PIP5K1B: variants seen among roughly 807,000 people sequenced by gnomAD.
The protein encoded by PIP5K1B is phosphatidylinositol-4-phosphate 5-kinase type 1 beta, also known as phosphatidylinositol 4-phosphate 5-kinase type-1 beta.
Under a neutral mutation model 67.0 loss-of-function variants are expected in PIP5K1B, and 42 were observed. That is an observed-to-expected ratio of 0.63 (90% CI 0.49 to 0.81). PIP5K1B has a LOEUF of 0.81. Among genes scored for constraint, PIP5K1B ranks in the 30% least tolerant of loss-of-function variants. The probability of loss-of-function intolerance (pLI) is 0.00; values close to 1 mark genes in which losing one functional copy is unlikely to be tolerated. For synonymous variants in PIP5K1B, 214 were observed against 231.4 expected (o/e 0.92, Z 0.68); for missense variants, 459 against 646.3 (o/e 0.71, Z 3.14).
rs146005407 is a variant in PIP5K1B, at chr9:69,008,613, G to A, written c.*164G>A. 5 of 695,090 alleles carry A rather than the reference G, an allele frequency of 7.2e-6. No homozygotes were observed. The highest frequency in any genetic ancestry group is 1.3e-5 in the Non-Finnish European group (5 of 374,610). The allele number at this position is 695,090 out of a possible 1,614,324, so 43.1% of individuals were successfully genotyped here. A position where few individuals can be genotyped will look rare whatever the true frequency, so the allele number is the denominator to read the frequency against. Reference sequence around the variant, plus strand: ...GTTTTCAAGATGTCAACTTCAGGCTGATCAGCAGATGGGATGTGAAAAATA... The same window carrying A: ...GTTTTCAAGATGTCAACTTCAGGCTAATCAGCAGATGGGATGTGAAAAATA... On this transcript the variant is annotated 3_prime_UTR_variant, in exon 16 of 16. Transcript: ENST00000265382.
intron 1 of PIP5K1B, among the ~76,000 whole-genome samples, chr9:68,732,957 C>T (rs543797611): frequency 5.2e-4 from 79 of 151,802 alleles, no homozygotes; most frequent in African/African-American, 1.8e-3. Context: ...ATGATGATGA[C>T]GACGACGATG....
chr9:68,918,608 G>T (rs1826217236), intron 9 of PIP5K1B, among the ~76,000 whole-genome samples: 1 of 152,176 alleles, frequency 6.6e-6, no homozygotes, highest in African/African-American at 2.4e-5. Flanking sequence ...TATTGAAATG[G>T]CAGACTGCAT....
At chr9:68,805,633 G>C (rs1832832829) in intron 2 of PIP5K1B, among the ~76,000 whole-genome samples, 1 of 152,190 alleles carries the variant, frequency 6.6e-6, no homozygotes, top group African/African-American at 2.4e-5. Context: ...GGGCAGTGTT[G>C]TGACACCAGA....
At chr9:68,923,467 C>T (rs2132544252) in intron 12 of PIP5K1B, 81 bp downstream of exon 12, 3 of 704,920 alleles carry the variant, frequency 4.3e-6, no homozygotes, top group Non-Finnish European at 7.3e-6. Flanking sequence ...ATTGGAAGAA[C>T]TAACACATTT....
chr9:68,897,881 G>A (rs564008406), intron 8 of PIP5K1B, among the ~76,000 whole-genome samples: 3 of 152,174 alleles, frequency 2.0e-5, no homozygotes, highest in African/African-American at 7.2e-5. Flanking sequence ...AGTGCTGGCC[G>A]GAAGGGCCAG....
intron 2 of PIP5K1B, among the ~76,000 whole-genome samples, chr9:68,761,790 T>C (rs973472247): frequency 1.3e-5 from 2 of 152,112 alleles, no homozygotes; most frequent in African/African-American, 4.8e-5. Context: ...TAATCCAGGA[T>C]AATCTTATTT....
At chr9:68,775,219 C>T (rs779651631) in intron 2 of PIP5K1B, among the ~76,000 whole-genome samples, 1 of 152,152 alleles carries the variant, frequency 6.6e-6, no homozygotes, top group Non-Finnish European at 1.5e-5. Flanking sequence ...ACACTGTCAC[C>T]GTAACTTCTG....
In PIP5K1B at chr9:68,894,412, A is replaced by G. The variant is rs975906544; in HGVS notation, c.545A>G (p.Asn182Ser). ...TATTGTATGCAATCAGGAGGCATTA[A>G]TATCAGGATTGTGGTGATGAACAAC... ...GLYCMQSGGI[N>S]IRIVVMNNVL... Residue 182 changes from asparagine (N) to serine (S), a missense_variant, in exon 8 of 16, where the codon AAT becomes AGT. This residue lies in a region of PIP5K1B where 290 missense variants were observed against 474.4 expected (regional missense o/e 0.61). Coordinates refer to ENST00000265382, the MANE Select transcript of PIP5K1B (RefSeq NM_003558.4). 3.1e-6 allele frequency: 5 copies of G among 1,613,836 alleles called. No individual in the cohort carries two copies. The highest frequency in any genetic ancestry group is 1.6e-4 in the Middle Eastern group (1 of 6,084).
At chr9:68,939,113 G>A (rs139813456) in intron 13 of PIP5K1B, among the ~76,000 whole-genome samples, 4 of 152,338 alleles carry the variant, frequency 2.6e-5, no homozygotes, top group Non-Finnish European at 5.9e-5. Context: ...TTACAAGAGT[G>A]TGGGTCATTA....
intron 2 of PIP5K1B, among the ~76,000 whole-genome samples, chr9:68,817,336 T>TA (rs1347446432): frequency 6.6e-6 from 1 of 152,218 alleles, no homozygotes; most frequent in African/African-American, 2.4e-5. Context: ...TTCAAATAGT[T>TA]AACATGCTTA....
At chr9:68,930,158 T>G (rs1826919452) in intron 12 of PIP5K1B, among the ~76,000 whole-genome samples, 1 of 152,186 alleles carries the variant, frequency 6.6e-6, no homozygotes, top group African/African-American at 2.4e-5. Flanking sequence ...CTCCTCAGGG[T>G]CCAGGCTCTG....
At position 68,788,382 on chromosome 9, in the gene PIP5K1B, CA is replaced by C. The variant is rs1239054474; in HGVS notation, c.-85-30078del. 4.5e-6 allele frequency: 4 copies of C among 881,492 alleles called. No homozygotes were observed. The African/African-American group carries it at 6.9e-5, about 15-fold the overall frequency. 54.6% of individuals were successfully genotyped at this position (881,492 alleles called of 1,614,324 possible). A position where few individuals can be genotyped will look rare whatever the true frequency, so the allele number is the denominator to read the frequency against. The stretch of plus-strand genomic sequence containing the variant: ...TAAAGGGTTTGTACTTTTCTCCATA[CA>C]TATCCAGATGACCCTAAGTCCAGAA... On this transcript the variant is annotated intron_variant, in intron 2 of 15. Transcript: ENST00000265382.
intron 4 of PIP5K1B, among the ~76,000 whole-genome samples, chr9:68,841,903 G>A (rs1357686007): frequency 3.3e-5 from 5 of 152,172 alleles, no homozygotes; most frequent in Non-Finnish European, 5.9e-5. Flanking sequence ...TGATAAAACC[G>A]TTCTTTAACA....
intron 4 of PIP5K1B, among the ~76,000 whole-genome samples, chr9:68,851,075 A>G (rs907322442): frequency 2.0e-5 from 3 of 152,158 alleles, no homozygotes; most frequent in African/African-American, 7.2e-5. Context: ...AGAGTACAGT[A>G]TTTTTCTGTT....
rs145365457 is a variant in PIP5K1B at position 68,829,059 on chromosome 9, G to A, written c.69+6376G>A. Reference sequence around the variant, plus strand: ...AGAGGTTGCAGTGAGCCGAGATCACGCCACTGCACTCCAGCCTGGGCGACA... The same window carrying A: ...AGAGGTTGCAGTGAGCCGAGATCACACCACTGCACTCCAGCCTGGGCGACA... On this transcript the variant is annotated intron_variant, in intron 4 of 15. Coordinates refer to ENST00000265382, the MANE Select transcript of PIP5K1B (RefSeq NM_003558.4). Among the ~76,000 whole-genome samples the A allele has an allele frequency of 7.2e-5, 11 of 152,304 alleles. No homozygotes were observed. In the East Asian group the frequency reaches 9.6e-4, roughly 13 times the overall value.
At chr9:68,871,714 G>A (rs1161490696) in intron 5 of PIP5K1B, among the ~76,000 whole-genome samples, 1 of 152,102 alleles carries the variant, frequency 6.6e-6, no homozygotes. Flanking sequence ...GGATTGTAAC[G>A]TGTGCTTGCT....
At chr9:68,957,896 C>T (rs1828486169) in intron 14 of PIP5K1B, among the ~76,000 whole-genome samples, 1 of 150,796 alleles carries the variant, frequency 6.6e-6, no homozygotes, top group South Asian at 2.1e-4. Flanking sequence ...TCTCTTTAGA[C>T]AAGGTCTGGC....
At chr9:68,991,982 G>T (rs560376058) in intron 15 of PIP5K1B, among the ~76,000 whole-genome samples, 103 of 152,068 alleles carry the variant, frequency 6.8e-4, no homozygotes, top group Non-Finnish European at 1.1e-3. Flanking sequence ...TTTTTTGGGG[G>T]GGGGCAGAGT....
At chr9:68,912,933 C>T (rs1825922016) in intron 8 of PIP5K1B, among the ~76,000 whole-genome samples, 1 of 152,210 alleles carries the variant, frequency 6.6e-6, no homozygotes, top group Non-Finnish European at 1.5e-5. Context: ...ACAGAAGTTA[C>T]AGGAACACTC....
Sources: allele counts gnomAD v4.1 joint callset (sites outside exome capture counted in the v4.1 genomes callset), GRCh38; gene constraint gnomAD v4.1.1; regional missense constraint gnomAD v4.1.1; transcripts MANE v1.5; gene names NCBI Gene and HGNC (gene_info 2026-07-23, HGNC 2026-07-21).